Variants in CACNA2D1 observed in about 807,000 individuals in gnomAD.
The protein encoded by CACNA2D1 is voltage-dependent calcium channel subunit alpha-2/delta-1.
In CACNA2D1, 53 loss-of-function variants were observed where a neutral mutation model predicts 171.5. The observed-to-expected ratio is 0.31, with a 90% CI of 0.25 to 0.39. The LOEUF is 0.39. Ranked by LOEUF, CACNA2D1 falls within the 10% of genes least tolerant of loss-of-function variation. The pLI, the probability that CACNA2D1 is intolerant of heterozygous loss-of-function variation, is 1.00. For synonymous variants in CACNA2D1, 442 were observed against 443.1 expected (o/e 1.00, Z 0.03); for missense variants, 903 against 1,299.8 (o/e 0.69, Z 4.69).
chr7:82,128,289 T>G (rs865897349), intron 5 of CACNA2D1, among the ~76,000 whole-genome samples: 9 of 152,130 alleles, frequency 5.9e-5, no homozygotes, highest in African/African-American at 1.9e-4. Context: ...AGCCATAATT[T>G]TTATATTATA....
At chr7:82,308,878 A>G (rs757381460) in intron 3 of CACNA2D1, among the ~76,000 whole-genome samples, 50 of 152,318 alleles carry the variant, frequency 3.3e-4, no homozygotes, top group Admixed American at 2.4e-3. Flanking sequence ...TTAGAAGTGC[A>G]AGTTTAAGGT....
chr7:82,283,814 TATA>T (rs1312247637), intron 3 of CACNA2D1, among the ~76,000 whole-genome samples: 1 of 152,100 alleles, frequency 6.6e-6, no homozygotes, highest in African/African-American at 2.4e-5. Flanking sequence ...TTAGCAGATA[TATA>T]ATTTTTTAAA....
intron 1 of CACNA2D1, among the ~76,000 whole-genome samples, chr7:82,383,575 A>G (rs1042614756): frequency 1.6e-4 from 25 of 152,206 alleles, no homozygotes; most frequent in African/African-American, 5.1e-4. Context: ...CATACATACA[A>G]AATGAAATAG....
chr7:82,139,183 T>C (rs552319188), intron 4 of CACNA2D1, among the ~76,000 whole-genome samples: 4 of 152,300 alleles, frequency 2.6e-5, no homozygotes, highest in Non-Finnish European at 4.4e-5. Context: ...AAACAACATA[T>C]GTATGTAGGA....
chr7:82,401,403 G>T (rs1163676180), intron 1 of CACNA2D1, among the ~76,000 whole-genome samples: 1 of 149,722 alleles, frequency 6.7e-6, no homozygotes, highest in African/African-American at 2.5e-5. Flanking sequence ...CATGTCCTTT[G>T]TAGGGACATG....
chr7:82,060,219 T>TA (rs1806643455), intron 10 of CACNA2D1, among the ~76,000 whole-genome samples: 2 of 60,938 alleles, frequency 3.3e-5, no homozygotes, highest in Non-Finnish European at 5.9e-5. Flanking sequence ...ATAATATATA[T>TA]ATAATATATA....
Position 81,964,305 on chromosome 7 carries a change from T to G in CACNA2D1, c.2629A>C (p.Ile877Leu), listed in dbSNP as rs1188237025. ...GATTTGTTAAAAGCATAAACTGATA[T>G]ATTAACCAGGTGTCTCATCAAGCTG... is the stretch of plus-strand genomic sequence containing the variant. ...DPSLMRHLVN[I>L]SVYAFNKSYD... Residue 877 changes from isoleucine to leucine, a missense_variant, in exon 33 of 39, where the codon ATA becomes CTA. By Grantham distance (5) the Ile-to-Leu change is conservative (BLOSUM62 2). Coordinates refer to ENST00000356860, the MANE Select transcript of CACNA2D1 (RefSeq NM_000722.4). 6 of 1,612,002 alleles carry G rather than the reference T, an allele frequency of 3.7e-6. No individual in the cohort carries two copies. The South Asian group carries it at 6.6e-5, about 18-fold the overall frequency.
At chr7:82,314,975 C>CTTTTT (rs35145517) in intron 3 of CACNA2D1, among the ~76,000 whole-genome samples, 1 of 124,552 alleles carries the variant, frequency 8.0e-6, no homozygotes, top group Non-Finnish European at 1.6e-5. Context: ...AGCATATTAT[C>CTTTTT]TTTTTTTTTT....
intron 22 of CACNA2D1, 81 bp from the exon 23 acceptor site, chr7:81,983,415 T>G: frequency 1.0e-6 from 1 of 999,410 alleles, no homozygotes; most frequent in Admixed American, 1.9e-5. Context: ...AACAATATTT[T>G]ATTCAATGAC....
intron 24 of CACNA2D1, among the ~76,000 whole-genome samples, chr7:81,978,437 G>A (rs1249893050): frequency 6.6e-6 from 1 of 152,050 alleles, no homozygotes; most frequent in African/African-American, 2.4e-5. Context: ...CAGGGACATG[G>A]ATGAAGCTGG....
intron 5 of CACNA2D1, among the ~76,000 whole-genome samples, chr7:82,133,507 G>T (rs1029076326): frequency 1.3e-5 from 2 of 152,126 alleles, no homozygotes; most frequent in Admixed American, 6.5e-5. Context: ...GGTCCTTTTT[G>T]TAAGTGATAT....
chr7:82,139,680 A>G (rs1309952354), intron 4 of CACNA2D1, among the ~76,000 whole-genome samples: 2 of 152,198 alleles, frequency 1.3e-5, no homozygotes, highest in African/African-American at 2.4e-5. Flanking sequence ...GTTTTTAAGT[A>G]AACTGAAGAA....
chr7:82,274,424 T>C (rs1021923998), intron 3 of CACNA2D1, among the ~76,000 whole-genome samples: 1 of 152,356 alleles, frequency 6.6e-6, no homozygotes, highest in East Asian at 1.9e-4. Context: ...ACTGTATCCC[T>C]AGTTCCTAGA....
intron 6 of CACNA2D1, among the ~76,000 whole-genome samples, chr7:82,114,760 G>GAAA (rs34240770): frequency 1.4e-4 from 14 of 103,084 alleles, no homozygotes; most frequent in South Asian, 3.0e-4. Flanking sequence ...CGTCCCAGAA[G>GAAA]AAAAAAAAAA....
intron 3 of CACNA2D1, among the ~76,000 whole-genome samples, chr7:82,304,064 C>T (rs1341352649): frequency 2.7e-5 from 4 of 150,620 alleles, no homozygotes; most frequent in Non-Finnish European, 5.9e-5. Flanking sequence ...AGGAGACATA[C>T]AAATGGCCAA....
chr7:81,962,741 C>G (rs567719844), intron 34 of CACNA2D1, among the ~76,000 whole-genome samples: 2 of 151,832 alleles, frequency 1.3e-5, no homozygotes, highest in Admixed American at 1.3e-4. Flanking sequence ...GTGAAGAAAC[C>G]TAACAGGCAA....
At chr7:82,024,180 T>C (rs1264018363) in intron 12 of CACNA2D1, among the ~76,000 whole-genome samples, 1 of 151,598 alleles carries the variant, frequency 6.6e-6, no homozygotes, top group Non-Finnish European at 1.5e-5. Context: ...GAAGTAGGCT[T>C]TCTGGATGCT....
rs189269540 is a variant in CACNA2D1 at position 82,021,408 on chromosome 7, T to C, written c.1144-6929A>G. Among the ~76,000 whole-genome samples, 284 of 152,238 alleles carry C rather than the reference T, an allele frequency of 1.9e-3. 2 individuals carry two copies. Among genetic ancestry groups the C allele is most frequent in the African/African-American group, 6.6e-3 (274 of 41,576 alleles). On this transcript the variant is annotated intron_variant, in intron 12 of 38. Transcript: ENST00000356860. The stretch of plus-strand genomic sequence containing the variant: ...AAGATGACATATATAAGAACATCTA[T>C]AACAGTTTTATTCCACATTCCAAAT...
rs147055571 is a variant in CACNA2D1 at position 82,306,835 on chromosome 7, T to C, written c.294+28300A>G. On this transcript the variant is annotated intron_variant, in intron 3 of 38. Transcript: ENST00000356860. ...TTAAAAGAAAACCTTTTAGTGAGTG[T>C]TTCTCTTCACCAGCTCTCTTACTGG... 7.2e-3 allele frequency among the ~76,000 whole-genome samples: 1,094 copies of C among 151,518 alleles called. 9 individuals carry two copies. Among genetic ancestry groups the C allele is most frequent in the Middle Eastern group, 0.02 (6 of 294 alleles).
Sources: allele counts gnomAD v4.1 joint callset (sites outside exome capture counted in the v4.1 genomes callset), GRCh38; gene constraint gnomAD v4.1.1; transcripts MANE v1.5; gene names NCBI Gene and HGNC (gene_info 2026-07-23, HGNC 2026-07-21).